Variants in COL13A1 observed in about 807,000 individuals in gnomAD.
COL13A1 encodes the protein collagen type XIII alpha 1 chain, also known as collagen alpha-1(XIII) chain.
In COL13A1, 89 loss-of-function variants were observed where a neutral mutation model predicts 130.9. The ratio of observed to expected loss-of-function variants is 0.68; its 90% CI spans 0.57 to 0.81. The LOEUF (loss-of-function observed/expected upper bound fraction) is 0.81. COL13A1 is among the 30% of genes least tolerant of loss of function. The pLI is 0.00. For missense variants in COL13A1, 879 were observed against 934.6 expected, an observed-to-expected ratio of 0.94 and a Z score of 0.78; for synonymous variants, 402 against 341.6, an observed-to-expected ratio of 1.18 and a Z score of -1.95.
At chr10:69,806,030 C>T (rs1589124057) in intron 1 of COL13A1, among the ~76,000 whole-genome samples, 2 of 152,254 alleles carry the variant, frequency 1.3e-5, no homozygotes, top group South Asian at 2.1e-4. Flanking sequence ...CACCCCTGCA[C>T]TTCAGGTTCA....
chr10:69,872,815 A>G (rs566050414), intron 4 of COL13A1, among the ~76,000 whole-genome samples: 1 of 152,076 alleles, frequency 6.6e-6, no homozygotes, highest in Non-Finnish European at 1.5e-5. Flanking sequence ...ATGATTATAA[A>G]CCTGTTTTAT....
chr10:69,956,752 A>C, intron 39 of COL13A1: 1 of 431,140 alleles, frequency 2.3e-6, no homozygotes, highest in Non-Finnish European at 4.3e-6. Context: ...TGCTGGTCCC[A>C]CGGGCTAGGA....
chr10:69,864,738 C>G (rs977667608), intron 2 of COL13A1, among the ~76,000 whole-genome samples: 1 of 152,210 alleles, frequency 6.6e-6, no homozygotes, highest in African/African-American at 2.4e-5. Flanking sequence ...TTTGGGGAAG[C>G]ATGGCCGCCT....
chr10:69,913,934 G>A (rs1381260899), intron 17 of COL13A1, among the ~76,000 whole-genome samples: 1 of 152,060 alleles, frequency 6.6e-6, no homozygotes, highest in African/African-American at 2.4e-5. Context: ...TAAGAGAATT[G>A]ACCCAGAGAG....
chr10:69,919,932 T>C (rs761181988), intron 21 of COL13A1, among the ~76,000 whole-genome samples: 24 of 152,184 alleles, frequency 1.6e-4, no homozygotes, highest in Non-Finnish European at 1.5e-4. Flanking sequence ...CAGCCTTGAT[T>C]ACCCAGCAGA....
At chr10:69,889,504 G>A (rs141844489) in intron 10 of COL13A1, 64 bp downstream of exon 10, 993 of 1,584,670 alleles carry the variant, frequency 6.3e-4, no homozygotes, top group Middle Eastern at 2.2e-3. Context: ...CACAGGCACA[G>A]CCAAGCACTG....
chr10:69,950,696 A>G (rs2069392196), intron 38 of COL13A1, among the ~76,000 whole-genome samples: 1 of 152,240 alleles, frequency 6.6e-6, no homozygotes, highest in African/African-American at 2.4e-5. Flanking sequence ...TAATATGTGC[A>G]TACATATTTA....
At position 69,945,573 on chromosome 10, in the gene COL13A1, C is replaced by T. The variant is rs927630760; in HGVS notation, c.1969-98C>T. On this transcript the variant is annotated intron_variant, in intron 36 of 40. Coordinates refer to ENST00000645393, the MANE Select transcript of COL13A1 (RefSeq NM_001368882.1). ...GCTTCCCGGAGGGCTCTTGAGGGGA[C>T]TGGAGAGGTTTCCTGTATTTCATAC... The T allele has an allele frequency of 1.2e-4, 185 of 1,514,230 alleles. 2 individuals carry two copies. The highest frequency in any genetic ancestry group is 2.3e-5 in the Non-Finnish European group (26 of 1,115,514). The allele number at this position is 1,514,230 out of a possible 1,614,324, so 93.8% of individuals were successfully genotyped here.
intron 3 of COL13A1, among the ~76,000 whole-genome samples, chr10:69,868,820 T>C (rs1276161357): frequency 5.3e-5 from 8 of 152,218 alleles, no homozygotes; most frequent in Non-Finnish European, 1.0e-4. Context: ...GGACCTGTCA[T>C]GTCATTACTT....
chr10:69,834,552 A>G (rs1171058839), intron 2 of COL13A1, among the ~76,000 whole-genome samples: 1 of 152,182 alleles, frequency 6.6e-6, no homozygotes, highest in African/African-American at 2.4e-5. Flanking sequence ...TATCACTTAC[A>G]TTCTGATCAA....
At chr10:69,935,527 C>G (rs888998304) in intron 32 of COL13A1, 136 bp downstream of exon 32, 37 of 638,374 alleles carry the variant, frequency 5.8e-5, no homozygotes, top group Admixed American at 3.0e-4. Context: ...AACCCCTCCC[C>G]GCTCCTTTTC....
intron 1 of COL13A1, among the ~76,000 whole-genome samples, chr10:69,804,808 G>GAAAAAAA (rs1266673669): frequency 4.1e-5 from 1 of 24,658 alleles, no homozygotes; most frequent in Admixed American, 7.2e-4. Context: ...CATGTCGTGT[G>GAAAAAAA]CAAAAAAAAA....
intron 31 of COL13A1, 139 bp from the exon 32 acceptor site, chr10:69,935,211 T>C: frequency 1.5e-6 from 1 of 685,756 alleles, no homozygotes; most frequent in Non-Finnish European, 2.5e-6. Context: ...TTTTGGGGGA[T>C]ACTGTGCTGG....
intron 14 of COL13A1, among the ~76,000 whole-genome samples, chr10:69,900,141 C>A (rs1215527822): frequency 6.6e-6 from 1 of 152,214 alleles, no homozygotes; most frequent in Non-Finnish European, 1.5e-5. Flanking sequence ...CAGGCCCACC[C>A]CTGTCACCCA....
At chr10:69,937,292 G>C (rs2135999966) in intron 33 of COL13A1, among the ~76,000 whole-genome samples, 1 of 152,338 alleles carries the variant, frequency 6.6e-6, no homozygotes, top group Non-Finnish European at 1.5e-5. Flanking sequence ...GTGAGCCTCA[G>C]GGCTCTGGAG....
rs1427804650 is a variant in COL13A1 at position 69,958,929 on chromosome 10, G to A, written c.*228G>A. On this transcript the variant is annotated 3_prime_UTR_variant, in exon 41 of 41. Coordinates refer to ENST00000645393, the MANE Select transcript of COL13A1 (RefSeq NM_001368882.1). ...AATACATTTTTTGTTTGGTCGTAAT[G>A]TCTGCATGATATTTGTGCACATTTA... 1 of 561,516 alleles carries A rather than the reference G, an allele frequency of 1.8e-6. No individual in the cohort carries two copies. Among genetic ancestry groups the A allele is most frequent in the Non-Finnish European group, 3.0e-6 (1 of 328,034 alleles). 34.8% of individuals were successfully genotyped at this position (561,516 alleles called of 1,614,324 possible). A position where few individuals can be genotyped will look rare whatever the true frequency, so the allele number is the denominator to read the frequency against.
At chr10:69,895,644 C>A in intron 13 of COL13A1, 68 bp downstream of exon 13, 1 of 1,548,406 alleles carries the variant, frequency 6.5e-7, no homozygotes, top group Non-Finnish European at 8.9e-7. Context: ...CCAGCTCAGC[C>A]TCATCTCCCT....
intron 2 of COL13A1, among the ~76,000 whole-genome samples, chr10:69,867,245 C>T (rs1387994736): frequency 1.3e-5 from 2 of 152,114 alleles, no homozygotes; most frequent in Non-Finnish European, 2.9e-5. Flanking sequence ...GGTGGCAGAC[C>T]CTGGAGGGGT....
chr10:69,944,566 G>A (rs1190009805), intron 36 of COL13A1, among the ~76,000 whole-genome samples: 1 of 151,992 alleles, frequency 6.6e-6, no homozygotes, highest in East Asian at 1.9e-4. Flanking sequence ...GGCTGAGGCA[G>A]GAGGATCAGT....
Sources: allele counts gnomAD v4.1 joint callset (sites outside exome capture counted in the v4.1 genomes callset), GRCh38; gene constraint gnomAD v4.1.1; transcripts MANE v1.5; gene names NCBI Gene and HGNC (gene_info 2026-07-23, HGNC 2026-07-21).